MAP3K7CL: variants seen among roughly 807,000 people sequenced by gnomAD.
MAP3K7CL encodes MAP3K7 C-terminal-like protein.
In MAP3K7CL, 16 loss-of-function variants were observed where a neutral mutation model predicts 18.6. The ratio of observed to expected loss-of-function variants is 0.86; its 90% CI spans 0.58 to 1.31. MAP3K7CL has a LOEUF of 1.31. Among genes scored for constraint, MAP3K7CL ranks in the 50% most tolerant of loss-of-function variants. MAP3K7CL has a pLI of 0.00. For missense variants in MAP3K7CL, 163 were observed against 174.4 expected (o/e 0.93, Z 0.37); for synonymous variants, 65 against 66.8 (o/e 0.97, Z 0.13).
Position 29,174,338 on chromosome 21 carries a change from G to A in MAP3K7CL, c.249-374G>A, listed in dbSNP as rs1370397179. Among the ~76,000 whole-genome samples, 6 of 152,178 alleles carry A rather than the reference G, an allele frequency of 3.9e-5. No homozygotes were observed. In the South Asian group the frequency reaches 1.0e-3, roughly 26 times the overall value. On this transcript the variant is annotated intron_variant, in intron 4 of 4. Transcript: ENST00000399928. The stretch of plus-strand genomic sequence containing the variant: ...TTGGGGGACAAAGACTCAGCCAAGA[G>A]AAAACTATAGTTGTCCTCTCTACAA...
chr21:29,118,681 T>C (rs918885100), intron 4 of MAP3K7CL, among the ~76,000 whole-genome samples: 1 of 152,208 alleles, frequency 6.6e-6, no homozygotes, highest in Admixed American at 6.5e-5. Context: ...CTGAAAACAC[T>C]GAGAGAAGTT....
chr21:29,138,612 G>T (rs1348559183), intron 2 of MAP3K7CL, among the ~76,000 whole-genome samples: 2 of 152,180 alleles, frequency 1.3e-5, no homozygotes, highest in Non-Finnish European at 2.9e-5. Flanking sequence ...TTTTAGAATA[G>T]TTTTTTGTTT....
intron 4 of MAP3K7CL, chr21:29,109,539 G>C (rs1191111415): frequency 9.6e-7 from 1 of 1,043,820 alleles, no homozygotes; most frequent in South Asian, 3.9e-5. Context: ...AATTCCATAA[G>C]TACTTTACTC....
chr21:29,166,990 C>G (rs1376707805), intron 4 of MAP3K7CL, among the ~76,000 whole-genome samples: 1 of 152,176 alleles, frequency 6.6e-6, no homozygotes, highest in African/African-American at 2.4e-5. Context: ...AGATTGTTTT[C>G]AAACGGGTTG....
intron 3 of MAP3K7CL, among the ~76,000 whole-genome samples, chr21:29,159,725 G>A (rs1436301971): frequency 6.6e-6 from 1 of 151,998 alleles, no homozygotes; most frequent in Admixed American, 6.6e-5. Context: ...GAATGACACT[G>A]GGAGATGAAT....
chr21:29,109,501 A>G, intron 4 of MAP3K7CL: 3 of 1,103,414 alleles, frequency 2.7e-6, no homozygotes, highest in Non-Finnish European at 3.3e-6. Flanking sequence ...AGTTGTTGGC[A>G]GAGATACAGG....
At chr21:29,097,394 C>T (rs1464185478) in intron 4 of MAP3K7CL, among the ~76,000 whole-genome samples, 4 of 151,960 alleles carry the variant, frequency 2.6e-5, no homozygotes, top group Non-Finnish European at 2.9e-5. Flanking sequence ...AAGAGAAAAA[C>T]GCTCTTATAA....
chr21:29,151,519 G>T (rs556597924), intron 3 of MAP3K7CL, among the ~76,000 whole-genome samples: 25 of 152,198 alleles, frequency 1.6e-4, no homozygotes, highest in African/African-American at 4.6e-4. Flanking sequence ...AACTTCTTTT[G>T]CACCAACCTA....
intron 4 of MAP3K7CL, among the ~76,000 whole-genome samples, chr21:29,162,288 A>G (rs1314548065): frequency 6.6e-6 from 1 of 150,486 alleles, no homozygotes; most frequent in Admixed American, 6.6e-5. Flanking sequence ...GGACTTTGTT[A>G]TTTAAATTAA....
intron 4 of MAP3K7CL, among the ~76,000 whole-genome samples, chr21:29,172,241 C>CTTTTTTTTTTTTTTTTTTTT (rs35612617): frequency 4.0e-5 from 5 of 126,248 alleles, no homozygotes; most frequent in South Asian, 2.4e-4. Context: ...TTGTCATTTT[C>CTTTTTTTTTTTTTTTTTTTT]TTTTTTTTTT....
chr21:29,124,952 C>G (rs2086658411), intron 4 of MAP3K7CL, among the ~76,000 whole-genome samples: 1 of 152,132 alleles, frequency 6.6e-6, no homozygotes, highest in African/African-American at 2.4e-5. Flanking sequence ...TCCTGGCCCT[C>G]TACAAAAAAA....
At chr21:29,164,645 A>G (rs1176312514) in intron 4 of MAP3K7CL, among the ~76,000 whole-genome samples, 1 of 152,242 alleles carries the variant, frequency 6.6e-6, no homozygotes, top group African/African-American at 2.4e-5. Flanking sequence ...AAGAGAGTCA[A>G]ACATTTTCTA....
intron 4 of MAP3K7CL, among the ~76,000 whole-genome samples, chr21:29,161,708 AC>A (rs2087553482): frequency 6.6e-6 from 1 of 151,824 alleles, no homozygotes; most frequent in South Asian, 2.1e-4. Context: ...ATACACACAC[AC>A]ACAAAATTTA....
chr21:29,164,423 G>T (rs1238319316), intron 4 of MAP3K7CL, among the ~76,000 whole-genome samples: 4 of 152,236 alleles, frequency 2.6e-5, no homozygotes, highest in Non-Finnish European at 5.9e-5. Context: ...TAAGCTAGAT[G>T]CAAAGAGAGA....
chr21:29,109,111 AC>A (rs2078822950), intron 4 of MAP3K7CL: 1 of 1,535,302 alleles, frequency 6.5e-7, no homozygotes, highest in Non-Finnish European at 8.7e-7. Context: ...AATTATGAAG[AC>A]CACCTGGGCC....
upstream of MAP3K7CL, among the ~76,000 whole-genome samples, chr21:29,126,903 G>A (rs908659946): frequency 1.3e-5 from 2 of 152,158 alleles, no homozygotes; most frequent in Non-Finnish European, 2.9e-5. Context: ...GCAATACAGA[G>A]CTGACTTTAA....
intron 1 of MAP3K7CL, among the ~76,000 whole-genome samples, chr21:29,132,289 ATG>A (rs1491049011): frequency 1.6e-5 from 2 of 126,930 alleles, no homozygotes; most frequent in African/African-American, 3.3e-5. Flanking sequence ...TATCTGCAGG[ATG>A]TTTTTTTTCC....
chr21:29,137,133 A>G (rs968382751), intron 2 of MAP3K7CL, among the ~76,000 whole-genome samples: 1 of 152,222 alleles, frequency 6.6e-6, no homozygotes, highest in African/African-American at 2.4e-5. Flanking sequence ...AATTATGATA[A>G]TTGATTGTGG....
rs76678018 is a variant in MAP3K7CL, at chr21:29,159,193, C to T, written c.133-748C>T. Among the ~76,000 whole-genome samples, 748 of 152,114 alleles carry T rather than the reference C, an allele frequency of 4.9e-3. 7 individuals are homozygous for T. The highest frequency in any genetic ancestry group is 0.017 in the African/African-American group (714 of 41,496). ...GGCCTAAAAGTAGTACTTTTAATCA[C>T]GCATTGCTAAACAAGAAATTAGAAA... On this transcript the variant is annotated intron_variant, in intron 3 of 4. Transcript: ENST00000399928.
Sources: allele counts gnomAD v4.1 joint callset (sites outside exome capture counted in the v4.1 genomes callset), GRCh38; gene constraint gnomAD v4.1.1; transcripts MANE v1.5; gene names NCBI Gene and HGNC (gene_info 2026-07-23, HGNC 2026-07-21).